The following ELOVL5 variants were observed in gnomAD, a reference collection of about 807,000 sequenced individuals.
ELOVL5 encodes very long chain fatty acid elongase 5.
A neutral mutation model predicts 38.6 loss-of-function variants in ELOVL5; 8 were observed. The observed-to-expected ratio is 0.21, with a 90% CI of 0.12 to 0.37. The LOEUF is 0.37. Among genes scored for constraint, ELOVL5 ranks in the 10% least tolerant of loss-of-function variants. The probability of loss-of-function intolerance (pLI) is 1.00; values close to 1 mark genes in which losing one functional copy is unlikely to be tolerated. For missense variants in ELOVL5, 280 were observed against 367.8 expected (o/e 0.76, Z 1.95); for synonymous variants, 127 against 133.7 (o/e 0.95, Z 0.34).
At chr6:53,294,411 A>G (rs1766908517) in intron 2 of ELOVL5, 1 of 1,551,226 alleles carries the variant, frequency 6.4e-7, no homozygotes, top group South Asian at 1.2e-5. Flanking sequence ...TCTTCCTCTG[A>G]ATGTGCTGCT....
At chr6:53,293,573 C>A (rs1766858878) in intron 2 of ELOVL5, among the ~76,000 whole-genome samples, 1 of 152,168 alleles carries the variant, frequency 6.6e-6, no homozygotes, top group Non-Finnish European at 1.5e-5. Flanking sequence ...CTGCCTTGGC[C>A]TCCCAAAGTA....
chr6:53,336,138 G>A (rs944028853), intron 1 of ELOVL5, among the ~76,000 whole-genome samples: 1 of 152,340 alleles, frequency 6.6e-6, no homozygotes, highest in African/African-American at 2.4e-5. Flanking sequence ...GTTGATTCGA[G>A]TATATACCTC....
At chr6:53,307,695 T>C (rs1411707768) in intron 1 of ELOVL5, among the ~76,000 whole-genome samples, 2 of 152,234 alleles carry the variant, frequency 1.3e-5, no homozygotes, top group Non-Finnish European at 2.9e-5. Context: ...TAAAAGACTC[T>C]AGATAAATTC....
At chr6:53,306,869 T>C (rs1238789595) in intron 1 of ELOVL5, among the ~76,000 whole-genome samples, 2 of 152,368 alleles carry the variant, frequency 1.3e-5, no homozygotes, top group Non-Finnish European at 2.9e-5. Context: ...AGAATGCTCC[T>C]TGCTGGTGGG....
chr6:53,292,746 G>C (rs574348489), intron 2 of ELOVL5, among the ~76,000 whole-genome samples: 1 of 152,164 alleles, frequency 6.6e-6, no homozygotes, highest in Non-Finnish European at 1.5e-5. Flanking sequence ...AGCTGAGATC[G>C]TACCACTGCA....
chr6:53,269,345 C>G, intron 7 of ELOVL5, 75 bp from the exon 8 acceptor site: 1 of 1,215,236 alleles, frequency 8.2e-7, no homozygotes, highest in South Asian at 1.7e-5. Context: ...AGAATTGCAT[C>G]CCTAACACTA....
chr6:53,300,849 A>G (rs376676071), intron 1 of ELOVL5, among the ~76,000 whole-genome samples: 35 of 152,310 alleles, frequency 2.3e-4, no homozygotes, highest in African/African-American at 7.9e-4. Context: ...GAGGGTGCCA[A>G]TCCTTATCTG....
At chr6:53,274,331 T>G (rs1766031771) in intron 5 of ELOVL5, among the ~76,000 whole-genome samples, 3 of 152,128 alleles carry the variant, frequency 2.0e-5, no homozygotes, top group Non-Finnish European at 4.4e-5. Context: ...AAAGCTTTTT[T>G]TTTTTCCTAG....
chr6:53,270,832 T>A (rs906796946), intron 6 of ELOVL5, 105 bp from the exon 7 acceptor site: 18 of 1,307,870 alleles, frequency 1.4e-5, no homozygotes, highest in Non-Finnish European at 1.8e-5. Flanking sequence ...GAATTAACAC[T>A]TACTACCCTT....
intron 1 of ELOVL5, among the ~76,000 whole-genome samples, chr6:53,339,784 CT>C (rs764144802): frequency 6.6e-6 from 1 of 152,184 alleles, no homozygotes; most frequent in East Asian, 1.9e-4. Context: ...GTATACTATA[CT>C]TTTTTATCAT....
At chr6:53,276,547 C>T (rs922373101) in intron 3 of ELOVL5, among the ~76,000 whole-genome samples, 3 of 152,162 alleles carry the variant, frequency 2.0e-5, no homozygotes, top group African/African-American at 7.2e-5. Flanking sequence ...CCCCTTGGTC[C>T]TAGCACAAGT....
chr6:53,271,395 C>T (rs567845289), intron 6 of ELOVL5, among the ~76,000 whole-genome samples: 24 of 152,244 alleles, frequency 1.6e-4, no homozygotes, highest in South Asian at 4.1e-4. Flanking sequence ...ACTAAAAATA[C>T]AAAAATTAGC....
intron 1 of ELOVL5, among the ~76,000 whole-genome samples, chr6:53,319,270 C>CAAAAA (rs59435925): frequency 9.3e-5 from 7 of 74,898 alleles, no homozygotes; most frequent in Admixed American, 3.8e-4. Flanking sequence ...GACTCCATCT[C>CAAAAA]AAAAAAAAAA....
At chr6:53,322,324 T>A (rs1219748862) in intron 1 of ELOVL5, among the ~76,000 whole-genome samples, 4 of 152,186 alleles carry the variant, frequency 2.6e-5, no homozygotes, top group Admixed American at 6.5e-5. Context: ...GTTGTTTTTT[T>A]AATTATATAT....
chr6:53,268,450 CAAAAT>C lies in ELOVL5; in HGVS notation c.*672_*676del, dbSNP rs1178441908. The C allele has an allele frequency of 6.6e-6, 1 of 152,076 alleles. No homozygotes were observed. Among genetic ancestry groups the C allele is most frequent in the Non-Finnish European group, 1.5e-5 (1 of 67,972 alleles). The allele number at this position is 152,076 out of a possible 1,614,324, so 9.4% of individuals were successfully genotyped here. A position where few individuals can be genotyped will look rare whatever the true frequency, so the allele number is the denominator to read the frequency against. On this transcript the variant is annotated 3_prime_UTR_variant, in exon 8 of 8. Transcript: ENST00000304434. ...CCCTTTTTACATTAATAGTGGCACT[CAAAAT>C]AAAAAAATAAGATCTGTTAAAAAGT...
chr6:53,292,314 A>G (rs1157679933), intron 2 of ELOVL5, among the ~76,000 whole-genome samples: 1 of 152,210 alleles, frequency 6.6e-6, no homozygotes, highest in East Asian at 1.9e-4. Context: ...ATAAAACCCA[A>G]GAAATGGCAG....
intron 1 of ELOVL5, among the ~76,000 whole-genome samples, chr6:53,319,033 C>T (rs1451913696): frequency 6.6e-6 from 1 of 151,844 alleles, no homozygotes; most frequent in African/African-American, 2.4e-5. Flanking sequence ...CCTGTAATCC[C>T]AGCACTTTGG....
chr6:53,306,647 CAG>C (rs1196722496), intron 1 of ELOVL5, among the ~76,000 whole-genome samples: 1 of 152,108 alleles, frequency 6.6e-6, no homozygotes, highest in Admixed American at 6.5e-5. Context: ...CAGTTCTCAG[CAG>C]AGTCAAGACA....
chr6:53,296,974 G>A (rs1767026770), intron 1 of ELOVL5, among the ~76,000 whole-genome samples: 1 of 152,214 alleles, frequency 6.6e-6, no homozygotes, highest in African/African-American at 2.4e-5. Context: ...TCTAATGGTT[G>A]TAGTAGTTAC....
Sources: allele counts gnomAD v4.1 joint callset (sites outside exome capture counted in the v4.1 genomes callset), GRCh38; gene constraint gnomAD v4.1.1; transcripts MANE v1.5; gene names NCBI Gene and HGNC (gene_info 2026-07-23, HGNC 2026-07-21).